Variants in COMMD10 observed in about 807,000 individuals in gnomAD.
COMMD10 encodes COMM domain-containing protein 10.
In COMMD10, 33 loss-of-function variants were observed where a neutral mutation model predicts 28.9. That is an observed-to-expected ratio of 1.14 (90% CI 0.87 to 1.53). The LOEUF (loss-of-function observed/expected upper bound fraction) is 1.53. COMMD10 is among the 40% of genes most tolerant of loss of function. COMMD10 has a pLI of 0.00. For synonymous variants in COMMD10, 110 were observed against 81.7 expected (o/e 1.35, Z -1.87); for missense variants, 310 against 233.4 (o/e 1.33, Z -2.14).
At chr5:116,169,651 A>G (rs4273633) in intron 5 of COMMD10, among the ~76,000 whole-genome samples, 124,735 of 152,106 alleles carry the variant, frequency 0.82, 51,324 homozygotes, top group African/African-American at 0.84. Flanking sequence ...TGATCAAGTC[A>G]GCTTCATCCC....
At chr5:116,271,440 A>G (rs993701288) in intron 5 of COMMD10, among the ~76,000 whole-genome samples, 1 of 151,290 alleles carries the variant, frequency 6.6e-6, no homozygotes, top group Non-Finnish European at 1.5e-5. Context: ...AATTCTGCTT[A>G]ATATACTTTG....
chr5:116,271,505 C>T (rs956246339), intron 5 of COMMD10, among the ~76,000 whole-genome samples: 3 of 151,472 alleles, frequency 2.0e-5, no homozygotes, highest in Non-Finnish European at 4.4e-5. Context: ...TATAAGTACC[C>T]TCCATGAATT....
chr5:116,155,167 C>T (rs939311138), intron 5 of COMMD10, among the ~76,000 whole-genome samples: 55 of 152,110 alleles, frequency 3.6e-4, no homozygotes, highest in Non-Finnish European at 1.5e-5. Context: ...CTAGGGCTTA[C>T]ACTTTTTCAG....
chr5:116,229,859 C>A (rs181001707), intron 5 of COMMD10, among the ~76,000 whole-genome samples: 1 of 151,834 alleles, frequency 6.6e-6, no homozygotes, highest in East Asian at 1.9e-4. Context: ...AAAAAACCCC[C>A]AGCAATTTAA....
chr5:116,256,903 G>C lies in COMMD10; in HGVS notation c.511-34614G>C, dbSNP rs551819305. Among the ~76,000 whole-genome samples, 16 of 151,764 alleles carry C rather than the reference G, an allele frequency of 1.1e-4. 1 individual carries two copies. In the South Asian group the frequency reaches 3.3e-3, roughly 31 times the overall value. Reference sequence around the variant, plus strand: ...GTCATTCCTGACTCTGAATTTGTATGCTACTGATAAACAACTCTTTTATTA... The same window carrying C: ...GTCATTCCTGACTCTGAATTTGTATCCTACTGATAAACAACTCTTTTATTA... On this transcript the variant is annotated intron_variant, in intron 5 of 6. Coordinates refer to ENST00000274458, the MANE Select transcript of COMMD10 (RefSeq NM_016144.4).
chr5:116,280,136 C>G (rs1302573000), intron 5 of COMMD10, among the ~76,000 whole-genome samples: 1 of 151,852 alleles, frequency 6.6e-6, no homozygotes, highest in African/African-American at 2.4e-5. Context: ...GAGGATTGGG[C>G]AAGGATACTG....
chr5:116,285,679 A>G (rs1751201443), intron 5 of COMMD10, among the ~76,000 whole-genome samples: 1 of 151,966 alleles, frequency 6.6e-6, no homozygotes, highest in South Asian at 2.1e-4. Context: ...ATGCTGAACC[A>G]TGCTTGCATT....
At chr5:116,163,166 T>C (rs1362995776) in intron 5 of COMMD10, among the ~76,000 whole-genome samples, 1 of 133,326 alleles carries the variant, frequency 7.5e-6, no homozygotes, top group Non-Finnish European at 1.6e-5. Flanking sequence ...CAAATAACTT[T>C]TAATATCAAA....
chr5:116,271,566 G>A (rs1296024074), intron 5 of COMMD10, among the ~76,000 whole-genome samples: 2 of 151,692 alleles, frequency 1.3e-5, no homozygotes, highest in African/African-American at 4.9e-5. Flanking sequence ...GACTAATGTG[G>A]TTTTTACTCC....
At chr5:116,163,712 CAG>C (rs1317748967) in intron 5 of COMMD10, among the ~76,000 whole-genome samples, 3 of 152,102 alleles carry the variant, frequency 2.0e-5, no homozygotes, top group Non-Finnish European at 4.4e-5. Flanking sequence ...TTGAATTAGT[CAG>C]AGATTATTCT....
intron 5 of COMMD10, among the ~76,000 whole-genome samples, chr5:116,288,835 A>G (rs1314372235): frequency 3.0e-5 from 3 of 99,292 alleles, no homozygotes; most frequent in Non-Finnish European, 6.9e-5. Flanking sequence ...TTCATGTATC[A>G]TTTTCCTGAT....
chr5:116,242,230 C>G (rs1438977770), intron 5 of COMMD10, among the ~76,000 whole-genome samples: 3 of 152,112 alleles, frequency 2.0e-5, no homozygotes, highest in African/African-American at 7.2e-5. Flanking sequence ...AAAAAAAAGT[C>G]ATTTCAGTTT....
intron 5 of COMMD10, among the ~76,000 whole-genome samples, chr5:116,251,523 A>G (rs1260524597): frequency 6.8e-6 from 1 of 146,810 alleles, no homozygotes; most frequent in South Asian, 2.2e-4. Context: ...ATTCCCACCT[A>G]TGAGTGAGAA....
In COMMD10 at chr5:116,217,257, G is replaced by A. The variant is rs145713498; in HGVS notation, c.511-74260G>A. On this transcript the variant is annotated intron_variant, in intron 5 of 6. Transcript: ENST00000274458. ...TTAAAGATACTTTCCATAAACAGTC[G>A]TGGTATTTCAGGCAGAACATGGGCA... Among the ~76,000 whole-genome samples the A allele has an allele frequency of 2.8e-3, 427 of 151,290 alleles. 2 individuals carry two copies. Among genetic ancestry groups the A allele is most frequent in the African/African-American group, 9.7e-3 (399 of 41,158 alleles).
intron 5 of COMMD10, among the ~76,000 whole-genome samples, chr5:116,221,984 C>T (rs1363073906): frequency 6.6e-6 from 1 of 152,108 alleles, no homozygotes; most frequent in African/African-American, 2.4e-5. Flanking sequence ...TGTCAATGTC[C>T]GCATCTTCTT....
intron 5 of COMMD10, among the ~76,000 whole-genome samples, chr5:116,154,085 T>C (rs1752627285): frequency 6.6e-6 from 1 of 152,082 alleles, no homozygotes; most frequent in African/African-American, 2.4e-5. Context: ...AGACAGGCAG[T>C]GTCTGAGGGG....
At chr5:116,128,301 A>G (rs528770701) in intron 4 of COMMD10, among the ~76,000 whole-genome samples, 2 of 152,152 alleles carry the variant, frequency 1.3e-5, no homozygotes, top group South Asian at 2.1e-4. Flanking sequence ...TGAGATGCCT[A>G]ACTACTGTGT....
At chr5:116,167,520 A>G (rs1007376193) in intron 5 of COMMD10, among the ~76,000 whole-genome samples, 3 of 152,194 alleles carry the variant, frequency 2.0e-5, no homozygotes, top group African/African-American at 7.2e-5. Context: ...CCTCGAGAAG[A>G]GCAACCCCAA....
Position 116,091,252 on chromosome 5 carries a change from A to C in COMMD10, c.243+63A>C, listed in dbSNP as rs766200208. 3.4e-4 allele frequency: 279 copies of C among 811,316 alleles called. 1 individual carries two copies. The highest frequency in any genetic ancestry group is 1.0e-4 in the Admixed American group (4 of 39,952). The allele number at this position is 811,316 out of a possible 1,614,324, so 50.3% of individuals were successfully genotyped here. The stretch of plus-strand genomic sequence containing the variant: ...TTTACTACATATTTGTATTGTTATG[A>C]TATCTATGACATTCTGTTTTTTTTA... On this transcript the variant is annotated intron_variant, in intron 3 of 6. Transcript: ENST00000274458.
Sources: gnomAD v4.1 joint callset for allele counts (sites outside exome capture counted in the v4.1 genomes callset) on GRCh38, gnomAD v4.1.1 for gene constraint, MANE v1.5 for transcripts, NCBI Gene and HGNC (gene_info 2026-07-23, HGNC 2026-07-21) for gene names.